The following COL14A1 variants were observed in gnomAD, a reference collection of about 807,000 sequenced individuals.
The protein encoded by COL14A1 is collagen type XIV alpha 1 chain, also known as collagen alpha-1(XIV) chain.
Under a neutral mutation model 230.3 loss-of-function variants are expected in COL14A1, and 136 were observed. The ratio of observed to expected loss-of-function variants is 0.59; its 90% CI spans 0.51 to 0.68. The LOEUF (loss-of-function observed/expected upper bound fraction) is 0.68. Ranked by LOEUF, COL14A1 falls within the 30% of genes least tolerant of loss-of-function variation. The probability of loss-of-function intolerance (pLI) is 0.00; values close to 1 mark genes in which losing one functional copy is unlikely to be tolerated. For missense variants in COL14A1, 1,976 were observed against 2,215.8 expected (o/e 0.89, Z 2.17); for synonymous variants, 792 against 784.1 (o/e 1.01, Z -0.17).
At chr8:120,311,290 A>T (rs951933194) in intron 37 of COL14A1, among the ~76,000 whole-genome samples, 2 of 152,020 alleles carry the variant, frequency 1.3e-5, no homozygotes, top group African/African-American at 4.8e-5. Flanking sequence ...CCTCAGTTTC[A>T]CCCAAAGGCA....
intron 45 of COL14A1, among the ~76,000 whole-genome samples, chr8:120,363,026 C>G (rs1444086233): frequency 6.6e-6 from 1 of 152,154 alleles, no homozygotes; most frequent in African/African-American, 2.4e-5. Flanking sequence ...CACCACCACA[C>G]AAGGAACTTG....
At chr8:120,205,699 A>G (rs1172256157) in intron 9 of COL14A1, among the ~76,000 whole-genome samples, 2 of 152,106 alleles carry the variant, frequency 1.3e-5, no homozygotes, top group Non-Finnish European at 1.5e-5. Context: ...GATCCTGAAC[A>G]CATTTCTCTG....
chr8:120,215,375 A>C (rs1320925734), intron 13 of COL14A1, among the ~76,000 whole-genome samples: 1 of 151,932 alleles, frequency 6.6e-6, no homozygotes, highest in Admixed American at 6.6e-5. Flanking sequence ...TGTCAGAAAG[A>C]AAGAAAGAAA....
intron 42 of COL14A1, among the ~76,000 whole-genome samples, chr8:120,339,410 C>G (rs926207058): frequency 3.3e-5 from 5 of 152,204 alleles, no homozygotes; most frequent in African/African-American, 1.2e-4. Flanking sequence ...TGAGGATCTT[C>G]TTTCTCTGTA....
intron 5 of COL14A1, among the ~76,000 whole-genome samples, chr8:120,170,918 G>A (rs1345890521): frequency 7.3e-6 from 1 of 136,794 alleles, no homozygotes; most frequent in East Asian, 2.3e-4. Flanking sequence ...TTGTAAAGAA[G>A]ATTTATTTGC....
intron 14 of COL14A1, among the ~76,000 whole-genome samples, chr8:120,218,837 A>G (rs1438948860): frequency 6.6e-6 from 1 of 152,150 alleles, no homozygotes; most frequent in Non-Finnish European, 1.5e-5. Context: ...GGGCTGCCAG[A>G]TCTTAAGATT....
intron 34 of COL14A1, among the ~76,000 whole-genome samples, 175 bp from the exon 35 acceptor site, chr8:120,297,336 A>C (rs1820560232): frequency 6.6e-6 from 1 of 152,026 alleles, no homozygotes; most frequent in African/African-American, 2.4e-5. Flanking sequence ...ATCTTAGATC[A>C]CTATGTGTTT....
At chr8:120,203,411 G>A (rs991694462) in intron 8 of COL14A1, among the ~76,000 whole-genome samples, 7 of 151,816 alleles carry the variant, frequency 4.6e-5, no homozygotes, top group Admixed American at 4.6e-4. Context: ...CTTTCATCTT[G>A]GCAATGGTAC....
intron 3 of COL14A1, among the ~76,000 whole-genome samples, chr8:120,161,565 T>C (rs1177744991): frequency 6.6e-6 from 1 of 152,156 alleles, no homozygotes; most frequent in Non-Finnish European, 1.5e-5. Flanking sequence ...TTAAGATAAT[T>C]AAATTGCTCA....
At position 120,196,888 on chromosome 8, in the gene COL14A1, G is replaced by T. The variant is rs759127092; in HGVS notation, c.534G>T (p.Arg178=). 6.2e-7 allele frequency: 1 copy of T among 1,614,048 alleles called. No individual in the cohort carries two copies. Among genetic ancestry groups the T allele is most frequent in the South Asian group, 1.1e-5 (1 of 91,068 alleles). Residue 178 remains arginine, a synonymous_variant, in exon 6 of 48, where the codon CGG becomes CGT. Coordinates refer to ENST00000297848, the MANE Select transcript of COL14A1 (RefSeq NM_021110.4). ...GAAGATTCAACTTCAGACTGGTTCG[G>T]CATTTCTTGGAAAACCTGGTTACAG... The part of the protein sequence containing the change: ...SIGRFNFRLV[R]HFLENLVTAF...
intron 19 of COL14A1, among the ~76,000 whole-genome samples, chr8:120,237,138 G>C (rs976616516): frequency 6.6e-6 from 1 of 152,138 alleles, no homozygotes; most frequent in South Asian, 2.1e-4. Flanking sequence ...TGTATTTCCT[G>C]AATTTGAATG....
intron 30 of COL14A1, 46 bp downstream of exon 30, chr8:120,280,795 C>T: frequency 6.3e-7 from 1 of 1,584,024 alleles, no homozygotes; most frequent in South Asian, 1.2e-5. Context: ...TATTACAGGC[C>T]TCTCAATTGG....
At chr8:120,289,373 C>A (rs936067937) in intron 33 of COL14A1, among the ~76,000 whole-genome samples, 3 of 152,082 alleles carry the variant, frequency 2.0e-5, no homozygotes, top group African/African-American at 7.2e-5. Flanking sequence ...AAAGTGAATC[C>A]TTTCAAAGCC....
At chr8:120,300,940 A>C in intron 36 of COL14A1, 122 bp downstream of exon 36, 1 of 756,804 alleles carries the variant, frequency 1.3e-6, no homozygotes, top group African/African-American at 1.8e-5. Flanking sequence ...GTAGGAATGC[A>C]GTGAGACACA....
chr8:120,320,873 G>A (rs2130143411), intron 40 of COL14A1, among the ~76,000 whole-genome samples: 1 of 152,314 alleles, frequency 6.6e-6, no homozygotes, highest in East Asian at 1.9e-4. Flanking sequence ...CAGGTGCTTT[G>A]CAATTATGAT....
chr8:120,309,954 A>G (rs1264620988), intron 36 of COL14A1, 55 bp from the exon 37 acceptor site: 8 of 1,547,626 alleles, frequency 5.2e-6, no homozygotes, highest in Non-Finnish European at 7.1e-6. Flanking sequence ...AAAATGAATG[A>G]AATACACTGT....
chr8:120,313,661 T>C (rs367834365), intron 37 of COL14A1, among the ~76,000 whole-genome samples: 47 of 152,222 alleles, frequency 3.1e-4, no homozygotes, highest in African/African-American at 1.0e-3. Flanking sequence ...ACTTACATAA[T>C]TGGCATAGCA....
intron 5 of COL14A1, among the ~76,000 whole-genome samples, chr8:120,194,617 A>G (rs1238984542): frequency 1.3e-5 from 2 of 152,158 alleles, no homozygotes; most frequent in Non-Finnish European, 2.9e-5. Flanking sequence ...TAAACAGAAA[A>G]TATCTATTGG....
chr8:120,306,380 T>C (rs893722893), intron 36 of COL14A1, among the ~76,000 whole-genome samples: 6 of 152,004 alleles, frequency 3.9e-5, no homozygotes, highest in Non-Finnish European at 7.4e-5. Context: ...AGATGTAAAA[T>C]GAGAAAAAAG....
Sources: gnomAD v4.1 joint callset for allele counts (sites outside exome capture counted in the v4.1 genomes callset) on GRCh38, gnomAD v4.1.1 for gene constraint, MANE v1.5 for transcripts, NCBI Gene and HGNC (gene_info 2026-07-23, HGNC 2026-07-21) for gene names.